The following ATP11B variants were observed in gnomAD, a reference collection of about 807,000 sequenced individuals.
The protein encoded by ATP11B is phospholipid-transporting ATPase IF.
Under a neutral mutation model 157.8 loss-of-function variants are expected in ATP11B, and 81 were observed. The observed-to-expected ratio is 0.51, with a 90% CI of 0.43 to 0.62. ATP11B has a LOEUF of 0.62. Ranked by LOEUF, ATP11B falls within the 20% of genes least tolerant of loss-of-function variation. The pLI, the probability that ATP11B is intolerant of heterozygous loss-of-function variation, is 0.00. For synonymous variants in ATP11B, 451 were observed against 469.4 expected (o/e 0.96, Z 0.51); for missense variants, 1,165 against 1,402.2 (o/e 0.83, Z 2.70).
At chr3:182,892,787 G>A (rs900878119) in intron 25 of ATP11B, among the ~76,000 whole-genome samples, 1 of 152,138 alleles carries the variant, frequency 6.6e-6, no homozygotes, top group Non-Finnish European at 1.5e-5. Context: ...GGAAGAATGT[G>A]TATGACCTGC....
intron 10 of ATP11B, among the ~76,000 whole-genome samples, chr3:182,855,549 CTT>C (rs1305642192): frequency 1.3e-5 from 2 of 152,140 alleles, no homozygotes; most frequent in African/African-American, 4.8e-5. Flanking sequence ...AAGTTAAACA[CTT>C]TGGTGCTGTG....
At chr3:182,894,437 C>T (rs1053622839) in intron 25 of ATP11B, among the ~76,000 whole-genome samples, 7 of 152,070 alleles carry the variant, frequency 4.6e-5, no homozygotes, top group African/African-American at 1.2e-4. Flanking sequence ...CCGCCTGCCT[C>T]GGCCTCCCAA....
rs1715374716 is a variant in ATP11B at position 182,793,527 on chromosome 3, G to A, written c.-233G>A. 3 of 351,994 alleles carry A rather than the reference G, an allele frequency of 8.5e-6. No homozygotes were observed. The highest frequency in any genetic ancestry group is 8.6e-5 in the East Asian group (2 of 23,292). The allele number at this position is 351,994 out of a possible 1,614,324, so 21.8% of individuals were successfully genotyped here. ...TCAATAATGAAGGTGGCTGCGGCGCGGCGGCAGGCTCAGCTGCGCCGGGCG... is the reference window on the plus strand; with the variant it reads ...TCAATAATGAAGGTGGCTGCGGCGCAGCGGCAGGCTCAGCTGCGCCGGGCG... On this transcript the variant is annotated 5_prime_UTR_variant, in exon 1 of 30. Coordinates refer to ENST00000323116, the MANE Select transcript of ATP11B (RefSeq NM_014616.3).
rs1269230598 is a variant in ATP11B at position 182,865,519 on chromosome 3, T to C, written c.1264T>C (p.Cys422Arg). 6.2e-7 allele frequency: 1 copy of C among 1,613,810 alleles called. No homozygotes were observed. The highest frequency in any genetic ancestry group is 8.5e-7 in the Non-Finnish European group (1 of 1,179,822). Residue 422 changes from cysteine to arginine, a missense_variant, in exon 13 of 30, where the codon TGT (cysteine) becomes CGT (arginine). This residue lies in a region of ATP11B where 737 missense variants were observed against 930.5 expected (regional missense o/e 0.79). Transcript: ENST00000323116. ...LTENEMQFRECSINGMKYQEI... is the reference protein window; with the variant it reads ...LTENEMQFRERSINGMKYQEI... ...AGAAAATGAGATGCAGTTTCGGGAATGTTCAATTAATGGCATGAAATACCA... is the reference window on the plus strand; with the variant it reads ...AGAAAATGAGATGCAGTTTCGGGAACGTTCAATTAATGGCATGAAATACCA...
chr3:182,898,162 A>G (rs923989622), intron 27 of ATP11B, among the ~76,000 whole-genome samples: 6 of 152,312 alleles, frequency 3.9e-5, no homozygotes, highest in South Asian at 4.1e-4. Context: ...CAAAAAGAAT[A>G]TCTTTATAAC....
chr3:182,917,557 G>A (rs1876755), intron 29 of ATP11B: 16 of 984,860 alleles, frequency 1.6e-5, no homozygotes, highest in Non-Finnish European at 1.8e-5. Context: ...CTAATTATGC[G>A]GAAGTCTTTA....
chr3:182,916,318 C>G (rs1204514042), intron 29 of ATP11B: 1 of 985,192 alleles, frequency 1.0e-6, no homozygotes, highest in Non-Finnish European at 1.2e-6. Flanking sequence ...AAGCCCTTAG[C>G]TGTGTGTTCC....
intron 28 of ATP11B, among the ~76,000 whole-genome samples, chr3:182,904,543 G>C (rs1186409722): frequency 6.6e-6 from 1 of 152,174 alleles, no homozygotes; most frequent in Non-Finnish European, 1.5e-5. Context: ...AAACTGTATG[G>C]ATATCAGATA....
intron 9 of ATP11B, among the ~76,000 whole-genome samples, chr3:182,846,238 A>C (rs1395749174): frequency 6.6e-6 from 1 of 151,718 alleles, no homozygotes; most frequent in Admixed American, 6.6e-5. Context: ...TTTTTCTGTT[A>C]CCTGTACTAT....
chr3:182,905,613 G>A (rs770300561), intron 28 of ATP11B, among the ~76,000 whole-genome samples: 5 of 152,202 alleles, frequency 3.3e-5, no homozygotes, highest in Admixed American at 3.3e-4. Context: ...TATTTTGTGT[G>A]CTTGTGTTCC....
intron 28 of ATP11B, among the ~76,000 whole-genome samples, chr3:182,899,213 T>C (rs1451440774): frequency 6.7e-6 from 1 of 149,448 alleles, no homozygotes; most frequent in African/African-American, 2.5e-5. Flanking sequence ...TGGAGTGTAG[T>C]GGCACGATCT....
chr3:182,800,654 T>C (rs1715940582), intron 1 of ATP11B, among the ~76,000 whole-genome samples: 1 of 152,206 alleles, frequency 6.6e-6, no homozygotes, highest in Non-Finnish European at 1.5e-5. Context: ...CTGAGGGAAC[T>C]GTTTGACTCT....
At chr3:182,843,069 G>T (rs1719179358) in intron 8 of ATP11B, among the ~76,000 whole-genome samples, 1 of 152,146 alleles carries the variant, frequency 6.6e-6, no homozygotes. Flanking sequence ...GTAATCTCTT[G>T]CTCTGAGCCT....
chr3:182,794,003 C>T (rs1272049558), intron 1 of ATP11B, among the ~76,000 whole-genome samples: 1 of 151,944 alleles, frequency 6.6e-6, no homozygotes, highest in Admixed American at 6.5e-5. Context: ...AGGCTGGCGC[C>T]GAGCGGCCGG....
chr3:182,860,344 G>A (rs1426386251), intron 12 of ATP11B, among the ~76,000 whole-genome samples: 1 of 152,144 alleles, frequency 6.6e-6, no homozygotes, highest in East Asian at 1.9e-4. Context: ...CTCCAGTGTT[G>A]CTGTTAGAGA....
chr3:182,838,088 CTT>C (rs1318542780), intron 7 of ATP11B, among the ~76,000 whole-genome samples: 1 of 151,966 alleles, frequency 6.6e-6, no homozygotes, highest in Non-Finnish European at 1.5e-5. Flanking sequence ...CTTTTCCAAA[CTT>C]ACGTATCTTT....
intron 1 of ATP11B, among the ~76,000 whole-genome samples, chr3:182,794,445 G>A (rs1001172821): frequency 1.2e-4 from 18 of 152,306 alleles, no homozygotes; most frequent in Admixed American, 8.5e-4. Context: ...GATACGTACT[G>A]TCGTTTCCTT....
intron 12 of ATP11B, among the ~76,000 whole-genome samples, chr3:182,861,065 C>CTTT (rs35183352): frequency 0.029 from 3,941 of 137,360 alleles, 231 homozygotes; most frequent in African/African-American, 0.098. Flanking sequence ...AACAATAATA[C>CTTT]TTTTTTTTTT....
At position 182,819,636 on chromosome 3, in the gene ATP11B, A is replaced by G. The variant is rs34898355; in HGVS notation, c.28-624A>G. On this transcript the variant is annotated intron_variant, in intron 1 of 29. Transcript: ENST00000323116. The stretch of plus-strand genomic sequence containing the variant: ...CTATTTCAGTAAGTCAATTGATACT[A>G]TAATGGCTCAAATAAGTGATTGTGT... Among the ~76,000 whole-genome samples, 1,275 of 152,358 alleles carry G rather than the reference A, an allele frequency of 8.4e-3. 4 individuals carry two copies. Among genetic ancestry groups the G allele is most frequent in the Admixed American group, 0.014 (209 of 15,308 alleles).
Sources: gnomAD v4.1 joint callset for allele counts (sites outside exome capture counted in the v4.1 genomes callset) on GRCh38, gnomAD v4.1.1 for gene constraint, gnomAD v4.1.1 regional missense constraint, MANE v1.5 for transcripts, NCBI Gene and HGNC (gene_info 2026-07-23, HGNC 2026-07-21) for gene names.